The following STK33 variants were observed in gnomAD, a reference collection of about 807,000 sequenced individuals.
STK33 encodes the protein serine/threonine-protein kinase 33.
A neutral mutation model predicts 58.0 loss-of-function variants in STK33; 52 were observed. The observed-to-expected ratio is 0.90, with a 90% confidence interval of 0.72 to 1.13. The LOEUF (loss-of-function observed/expected upper bound fraction) is 1.13, where lower values mean the gene tolerates loss of function less well. Among genes scored for constraint, STK33 ranks in the 50% most tolerant of loss-of-function variants. STK33 has a pLI of 0.00. For synonymous variants in STK33, 215 were observed against 200.1 expected (o/e 1.07, Z -0.63); for missense variants, 630 against 604.2 (o/e 1.04, Z -0.45).
At chr11:8,385,296 G>A in the STK33 span, among the ~76,000 whole-genome samples, 7 of 152,218 alleles carry the variant, frequency 4.6e-5, no homozygotes, top group Middle Eastern at 3.4e-3. Flanking sequence ...ATAATCAGAC[G>A]TCGAGCCCTC....
intron 1 of STK33, among the ~76,000 whole-genome samples, chr11:8,512,858 C>T (rs1444702575): frequency 6.6e-6 from 1 of 152,122 alleles, no homozygotes; most frequent in East Asian, 1.9e-4. Context: ...TAGTTCCCTG[C>T]TCTTCTTTCT....
intron 1 of STK33, among the ~76,000 whole-genome samples, chr11:8,584,110 G>GAAAAA (rs35914021): frequency 1.6e-5 from 2 of 126,628 alleles, no homozygotes; most frequent in Non-Finnish European, 1.7e-5. Context: ...GAATTTAGAT[G>GAAAAA]AAAAAAAAAA....
At chr11:8,424,806 C>G (rs1395602317) in intron 14 of STK33, among the ~76,000 whole-genome samples, 1 of 120,606 alleles carries the variant, frequency 8.3e-6, no homozygotes, top group African/African-American at 3.7e-5. Context: ...AGTGTCCGTT[C>G]ATATCCTTTG....
At chr11:8,420,729 G>C (rs569498698) in intron 14 of STK33, among the ~76,000 whole-genome samples, 2 of 152,216 alleles carry the variant, frequency 1.3e-5, no homozygotes, top group Non-Finnish European at 2.9e-5. Context: ...AGGTGAGGTG[G>C]TTCAAGCTTG....
intron 1 of STK33, among the ~76,000 whole-genome samples, chr11:8,503,954 A>C (rs1951695465): frequency 2.0e-5 from 3 of 152,204 alleles, no homozygotes; most frequent in Admixed American, 1.3e-4. Context: ...AGCAATTAAC[A>C]AACATCAAAT....
chr11:8,557,668 C>T (rs535197289), intron 1 of STK33, among the ~76,000 whole-genome samples: 1 of 151,856 alleles, frequency 6.6e-6, no homozygotes, highest in South Asian at 2.1e-4. Flanking sequence ...TCATGTATAT[C>T]ATGTTAGAAC....
the STK33 span, among the ~76,000 whole-genome samples, chr11:8,343,145 C>T: frequency 2.0e-5 from 3 of 152,254 alleles, no homozygotes; most frequent in Non-Finnish European, 4.4e-5. Context: ...CAAATCCAGC[C>T]GGGACAGAGC....
At chr11:8,415,796 G>A (rs1349665418) in intron 14 of STK33, among the ~76,000 whole-genome samples, 1 of 152,224 alleles carries the variant, frequency 6.6e-6, no homozygotes, top group South Asian at 2.1e-4. Context: ...CCAATATGAT[G>A]TGACAGCTCA....
At chr11:8,420,158 G>GT (rs1340097386) in intron 14 of STK33, among the ~76,000 whole-genome samples, 1 of 151,988 alleles carries the variant, frequency 6.6e-6, no homozygotes, top group Non-Finnish European at 1.5e-5. Context: ...GTAAATTATA[G>GT]TAAGAAAAGA....
At chr11:8,354,515 C>CACAA in the STK33 span, among the ~76,000 whole-genome samples, 1 of 144,544 alleles carries the variant, frequency 6.9e-6, no homozygotes, top group Admixed American at 6.8e-5. Flanking sequence ...CACACACACA[C>CACAA]ACCCCTCAGA....
At chr11:8,579,666 T>C (rs757219383) in intron 1 of STK33, among the ~76,000 whole-genome samples, 3 of 152,070 alleles carry the variant, frequency 2.0e-5, no homozygotes, top group African/African-American at 4.8e-5. Context: ...CATTCACATG[T>C]TCTCATTTTA....
intron 15 of STK33, among the ~76,000 whole-genome samples, chr11:8,396,021 G>C (rs1849271862): frequency 6.6e-6 from 1 of 152,050 alleles, no homozygotes; most frequent in Non-Finnish European, 1.5e-5. Context: ...GCCTAACGCT[G>C]GCTACCCCGA....
At chr11:8,577,442 C>T (rs1399477155) in intron 1 of STK33, among the ~76,000 whole-genome samples, 2 of 152,000 alleles carry the variant, frequency 1.3e-5, no homozygotes, top group Non-Finnish European at 1.5e-5. Flanking sequence ...ATACACTTTG[C>T]TTATTATTTA....
intron 1 of STK33, among the ~76,000 whole-genome samples, chr11:8,552,228 G>A (rs1591757762): frequency 6.6e-6 from 1 of 152,220 alleles, no homozygotes; most frequent in South Asian, 2.1e-4. Context: ...AGACTGAAAC[G>A]ACCTTTTCTC....
intron 15 of STK33, among the ~76,000 whole-genome samples, chr11:8,398,255 C>T (rs1363721390): frequency 6.6e-6 from 1 of 152,336 alleles, no homozygotes; most frequent in South Asian, 2.1e-4. Context: ...AGACTAACAG[C>T]TGATCTCTCA....
intron 1 of STK33, chr11:8,567,232 ACT>A (rs1302940909): frequency 6.6e-6 from 1 of 152,066 alleles, no homozygotes; most frequent in East Asian, 1.9e-4. Context: ...AACAGTAGAG[ACT>A]CTGGTTCAGA....
chr11:8,573,775 G>C (rs997347091), intron 1 of STK33, among the ~76,000 whole-genome samples: 19 of 152,220 alleles, frequency 1.2e-4, no homozygotes, highest in African/African-American at 4.3e-4. Context: ...AACAGACTTT[G>C]ATGAACCTCA....
intron 1 of STK33, among the ~76,000 whole-genome samples, chr11:8,521,498 T>C (rs1953429565): frequency 1.3e-5 from 2 of 152,148 alleles, no homozygotes; most frequent in South Asian, 2.1e-4. Context: ...AAGACTTAAA[T>C]GTTAGACCTA....
At chr11:8,447,448 G>C (rs1440979896) in intron 11 of STK33, among the ~76,000 whole-genome samples, 1 of 152,052 alleles carries the variant, frequency 6.6e-6, no homozygotes, top group Non-Finnish European at 1.5e-5. Context: ...ATGATCAAGT[G>C]GGCTTCATCT....
Sources: allele counts gnomAD v4.1 joint callset (sites outside exome capture counted in the v4.1 genomes callset), GRCh38; gene constraint gnomAD v4.1.1; transcripts MANE v1.5; gene names NCBI Gene and HGNC (gene_info 2026-07-23, HGNC 2026-07-21).